The following PALLD variants were observed in gnomAD, a reference collection of about 807,000 sequenced individuals.
PALLD encodes the protein palladin.
Under a neutral mutation model 123.5 loss-of-function variants are expected in PALLD, and 61 were observed. The ratio of observed to expected loss-of-function variants is 0.49; its 90% confidence interval spans 0.40 to 0.61. The LOEUF is 0.61. Ranked by LOEUF, PALLD falls within the 20% of genes least tolerant of loss-of-function variation. The probability of loss-of-function intolerance (pLI) is 0.00; values close to 1 mark genes in which losing one functional copy is unlikely to be tolerated. For missense variants in PALLD, 1,273 were observed against 1,377.0 expected (o/e 0.92, Z 1.20); for synonymous variants, 465 against 496.4 (o/e 0.94, Z 0.84).
At chr4:168,760,316 C>T (rs1007045612) in intron 10 of PALLD, among the ~76,000 whole-genome samples, 3 of 134,024 alleles carry the variant, frequency 2.2e-5, no homozygotes, top group Non-Finnish European at 4.7e-5. Context: ...CCGGCTCTGG[C>T]AGTGGGTGCG....
Position 168,903,834 on chromosome 4 carries a change from C to T in PALLD, c.2550C>T (p.Thr850=). The change falls in exon 15 of 22, where the codon ACC becomes ACT. Residue 850 remains threonine (T), a synonymous_variant. Coordinates refer to ENST00000505667, the MANE Select transcript of PALLD (RefSeq NM_001166108.2). ...CCATTCAAAGAGATCTCGATGGGAC[C>T]TGCTCCCTCCATACCACAGCCTCCA... ...HYTIQRDLDG[T]CSLHTTASTL... 6.2e-7 allele frequency: 1 copy of T among 1,612,904 alleles called. No individual in the cohort carries two copies. The highest frequency in any genetic ancestry group is 8.5e-7 in the Non-Finnish European group (1 of 1,178,910).
At chr4:168,925,882 TA>T (rs1762489265) in intron 21 of PALLD, among the ~76,000 whole-genome samples, 1 of 151,970 alleles carries the variant, frequency 6.6e-6, no homozygotes, top group Non-Finnish European at 1.5e-5. Flanking sequence ...TTAGAGAAAA[TA>T]TTTTTTAAAA....
intron 10 of PALLD, among the ~76,000 whole-genome samples, chr4:168,846,785 G>A (rs546677485): frequency 6.6e-6 from 1 of 152,178 alleles, no homozygotes; most frequent in Non-Finnish European, 1.5e-5. Flanking sequence ...TACCCACACT[G>A]GTGGTGTCAG....
intron 2 of PALLD, among the ~76,000 whole-genome samples, chr4:168,609,964 C>T (rs1773572091): frequency 6.6e-6 from 1 of 152,186 alleles, no homozygotes; most frequent in African/African-American, 2.4e-5. Flanking sequence ...AGCTCTGCAT[C>T]CCAATCTTCC....
At chr4:168,531,902 C>CT (rs376506503) in intron 2 of PALLD, among the ~76,000 whole-genome samples, 18 of 151,552 alleles carry the variant, frequency 1.2e-4, no homozygotes, top group African/African-American at 3.1e-4. Flanking sequence ...CCTTTTTTTT[C>CT]TTTTTTTAAA....
intron 10 of PALLD, among the ~76,000 whole-genome samples, chr4:168,870,042 A>G (rs867076444): frequency 6.6e-6 from 1 of 152,238 alleles, no homozygotes; most frequent in South Asian, 2.1e-4. Context: ...CAGAGATACC[A>G]AGAATGAAGG....
At chr4:168,606,081 C>T (rs1159291140) in intron 2 of PALLD, among the ~76,000 whole-genome samples, 1 of 152,060 alleles carries the variant, frequency 6.6e-6, no homozygotes, top group Non-Finnish European at 1.5e-5. Flanking sequence ...TTCTCTGTGT[C>T]CTTGCCTGTA....
intron 2 of PALLD, among the ~76,000 whole-genome samples, chr4:168,538,903 T>C (rs1765342221): frequency 6.6e-6 from 1 of 152,214 alleles, no homozygotes; most frequent in South Asian, 2.1e-4. Flanking sequence ...GAAACACATA[T>C]GTTCCAAGTT....
In PALLD at chr4:168,769,018, G is replaced by A. The variant is rs145745379; in HGVS notation, c.1964+57095G>A. Among the ~76,000 whole-genome samples the A allele has an allele frequency of 8.3e-4, 127 of 152,330 alleles. No individual in the cohort carries two copies. The East Asian group carries it at 0.021, about 26-fold the overall frequency. Reference sequence around the variant, plus strand: ...TAATTTTTTGTATTTTAGTAGAGACGGGATTTCACCATTTGGCTGGGATGG... The same window carrying A: ...TAATTTTTTGTATTTTAGTAGAGACAGGATTTCACCATTTGGCTGGGATGG... On this transcript the variant is annotated intron_variant, in intron 10 of 21. Transcript: ENST00000505667.
chr4:168,918,555 G>C (rs748569760), intron 17 of PALLD, among the ~76,000 whole-genome samples: 3 of 152,148 alleles, frequency 2.0e-5, no homozygotes, highest in Non-Finnish European at 4.4e-5. Context: ...TTGGGGAAAT[G>C]TTAGTCAAAG....
At position 168,512,291 on chromosome 4, in the gene PALLD, A is replaced by G; in HGVS notation, c.787A>G (p.Ser263Gly). 1.2e-6 allele frequency: 2 copies of G among 1,614,190 alleles called. No individual in the cohort carries two copies. Among genetic ancestry groups the G allele is most frequent in the South Asian group, 2.2e-5 (2 of 91,090 alleles). The change falls in exon 2 of 22, where the codon AGC becomes GGC. Residue 263 changes from serine to glycine, a missense_variant. Physicochemically the swap from Ser to Gly is moderately conservative, Grantham distance 56. Transcript: ENST00000505667. ...HNRKSHPQPHSALHFPAAPRF... is the reference protein window; with the variant it reads ...HNRKSHPQPHGALHFPAAPRF... ...CCGCAAGTCTCACCCACAGCCCCAC[A>G]GCGCCCTCCACTTCCCAGCTGCACC...
At chr4:168,693,022 AG>A (rs1455230041) in intron 8 of PALLD, among the ~76,000 whole-genome samples, 2 of 152,358 alleles carry the variant, frequency 1.3e-5, no homozygotes, top group African/African-American at 4.8e-5. Context: ...TTGGATGAGG[AG>A]GGAGGAAGGA....
At chr4:168,746,760 G>A (rs1730389381) in intron 10 of PALLD, among the ~76,000 whole-genome samples, 1 of 152,118 alleles carries the variant, frequency 6.6e-6, no homozygotes, top group African/African-American at 2.4e-5. Flanking sequence ...AGATATAAAT[G>A]ATAATAACTT....
At position 168,755,251 on chromosome 4, in the gene PALLD, A is replaced by T. The variant is rs80081632; in HGVS notation, c.1964+43328A>T. On this transcript the variant is annotated intron_variant, in intron 10 of 21. Transcript: ENST00000505667. ...CCGTCTCAAAAAAAAAAAAAAAAAA[A>T]GGGCAGGGTAGAGGGATAGACAATG... 5.5e-5 allele frequency among the ~76,000 whole-genome samples: 8 copies of T among 144,628 alleles called. No homozygotes were observed. In the East Asian group the frequency reaches 1.2e-3, roughly 22 times the overall value. The allele number at this position is 144,628 out of a possible 152,430, so 94.9% of individuals were successfully genotyped here. A position where few individuals can be genotyped will look rare whatever the true frequency, so the allele number is the denominator to read the frequency against.
intron 10 of PALLD, among the ~76,000 whole-genome samples, chr4:168,810,681 G>T (rs1263991776): frequency 6.6e-6 from 1 of 151,824 alleles, no homozygotes; most frequent in East Asian, 1.9e-4. Context: ...GGTGGCTCAC[G>T]CCTGTAGTCC....
chr4:168,498,191 C>T (rs532146448), intron 1 of PALLD, among the ~76,000 whole-genome samples: 8 of 152,060 alleles, frequency 5.3e-5, no homozygotes, highest in South Asian at 4.2e-4. Context: ...CAGAAAAGGC[C>T]GATGAGGTTT....
intron 14 of PALLD, 37 bp from the exon 15 acceptor site, chr4:168,903,720 C>T (rs1355963593): frequency 6.4e-7 from 1 of 1,560,020 alleles, no homozygotes; most frequent in Non-Finnish European, 8.8e-7. Flanking sequence ...TAGGAATACA[C>T]AAACTCCTAA....
At chr4:168,712,656 C>T (rs930412924) in intron 10 of PALLD, among the ~76,000 whole-genome samples, 4 of 152,118 alleles carry the variant, frequency 2.6e-5, no homozygotes, top group African/African-American at 9.7e-5. Context: ...TCTACCATAG[C>T]GCAAGAGACC....
intron 2 of PALLD, among the ~76,000 whole-genome samples, chr4:168,606,606 G>A (rs1420972915): frequency 2.0e-5 from 3 of 150,984 alleles, no homozygotes; most frequent in South Asian, 2.1e-4. Context: ...CCTGGGAGGC[G>A]GAGCTTGCAG....
Sources: allele counts gnomAD v4.1 joint callset (sites outside exome capture counted in the v4.1 genomes callset), GRCh38; gene constraint gnomAD v4.1.1; transcripts MANE v1.5; gene names NCBI Gene and HGNC (gene_info 2026-07-23, HGNC 2026-07-21).